Variants in KCND3 observed in about 807,000 individuals in gnomAD.
The protein encoded by KCND3 is A-type voltage-gated potassium channel KCND3.
KCND3 carries 9 observed loss-of-function variants against 51.1 expected under a neutral mutation model. That is an observed-to-expected ratio of 0.18 (90% CI 0.11 to 0.31). The LOEUF is 0.31. KCND3 is among the 10% of genes least tolerant of loss of function. The probability of loss-of-function intolerance (pLI) is 1.00; values close to 1 mark genes in which losing one functional copy is unlikely to be tolerated. For missense variants in KCND3, 526 were observed against 903.8 expected, an observed-to-expected ratio of 0.58 and a Z score of 5.36; for synonymous variants, 349 against 368.0, an observed-to-expected ratio of 0.95 and a Z score of 0.59.
At chr1:111,913,190 G>T (rs1406359522) in intron 2 of KCND3, among the ~76,000 whole-genome samples, 1 of 152,128 alleles carries the variant, frequency 6.6e-6, no homozygotes, top group African/African-American at 2.4e-5. Context: ...ATTGCCTACA[G>T]TATTCTATAC....
chr1:111,856,489 T>C (rs1363904497), intron 2 of KCND3, among the ~76,000 whole-genome samples: 1 of 152,192 alleles, frequency 6.6e-6, no homozygotes, highest in Non-Finnish European at 1.5e-5. Context: ...TGGCAGCTGG[T>C]GGTCGCCTGG....
chr1:111,908,568 G>A (rs909168790), intron 2 of KCND3, among the ~76,000 whole-genome samples: 1 of 152,074 alleles, frequency 6.6e-6, no homozygotes, highest in African/African-American at 2.4e-5. Context: ...TCTTTGGACT[G>A]GAGTCCCCAG....
intron 6 of KCND3, among the ~76,000 whole-genome samples, chr1:111,777,583 A>G (rs1664185152): frequency 6.6e-6 from 1 of 152,236 alleles, no homozygotes; most frequent in South Asian, 2.1e-4. Context: ...GAGGAATTCA[A>G]TGGCATCATC....
At chr1:111,894,206 C>G (rs1483310039) in intron 2 of KCND3, among the ~76,000 whole-genome samples, 1 of 152,216 alleles carries the variant, frequency 6.6e-6, no homozygotes, top group Non-Finnish European at 1.5e-5. Flanking sequence ...CTTGTTCACT[C>G]TGCTCCAGCC....
chr1:111,895,171 G>A (rs916753159), intron 2 of KCND3, among the ~76,000 whole-genome samples: 2 of 145,142 alleles, frequency 1.4e-5, no homozygotes, highest in African/African-American at 5.1e-5. Flanking sequence ...GAGGGGGAAG[G>A]AGGGAGACCA....
At chr1:111,938,644 G>T (rs1263768080) in intron 2 of KCND3, among the ~76,000 whole-genome samples, 3 of 152,156 alleles carry the variant, frequency 2.0e-5, no homozygotes, top group South Asian at 2.1e-4. Context: ...AAGAAGTAAG[G>T]TTATCTGAGG....
chr1:111,830,195 A>G (rs1024058086), intron 2 of KCND3, among the ~76,000 whole-genome samples: 1 of 152,210 alleles, frequency 6.6e-6, no homozygotes, highest in African/African-American at 2.4e-5. Flanking sequence ...CTCAATACAT[A>G]TCAATTAACA....
At chr1:111,828,428 C>T (rs900544972) in intron 2 of KCND3, among the ~76,000 whole-genome samples, 8 of 152,188 alleles carry the variant, frequency 5.3e-5, no homozygotes, top group African/African-American at 1.9e-4. Flanking sequence ...TACTATTCAA[C>T]TGCATCTCCC....
chr1:111,968,426 T>C (rs1022987066), intron 2 of KCND3, among the ~76,000 whole-genome samples: 3 of 152,094 alleles, frequency 2.0e-5, no homozygotes, highest in African/African-American at 7.2e-5. Flanking sequence ...TGTGCAAAAA[T>C]GGCATGAAAA....
intron 2 of KCND3, among the ~76,000 whole-genome samples, chr1:111,823,877 A>T (rs1405034804): frequency 6.6e-6 from 1 of 152,172 alleles, no homozygotes; most frequent in Non-Finnish European, 1.5e-5. Context: ...GAAGCATCTA[A>T]AACACTAATA....
intron 2 of KCND3, among the ~76,000 whole-genome samples, chr1:111,886,957 T>A (rs958796259): frequency 6.6e-6 from 1 of 152,136 alleles, no homozygotes; most frequent in Non-Finnish European, 1.5e-5. Context: ...TTGGAGCAGG[T>A]GGGAGAAGCC....
intron 2 of KCND3, among the ~76,000 whole-genome samples, chr1:111,794,768 G>A (rs899474148): frequency 2.0e-5 from 3 of 152,208 alleles, no homozygotes; most frequent in African/African-American, 7.2e-5. Flanking sequence ...AGTTCATCCT[G>A]TGACAAACAC....
At chr1:111,850,575 C>T (rs923877856) in intron 2 of KCND3, among the ~76,000 whole-genome samples, 6 of 152,194 alleles carry the variant, frequency 3.9e-5, no homozygotes, top group East Asian at 1.9e-4. Context: ...ATAGCCTGGG[C>T]GCACTGAACT....
chr1:111,892,366 G>A (rs1035158515), intron 2 of KCND3, among the ~76,000 whole-genome samples: 5 of 152,202 alleles, frequency 3.3e-5, no homozygotes. Flanking sequence ...ACAATGCAGT[G>A]AGCCAGCTCT....
intron 2 of KCND3, among the ~76,000 whole-genome samples, chr1:111,912,804 A>G (rs1671026594): frequency 6.6e-6 from 1 of 152,252 alleles, no homozygotes; most frequent in Admixed American, 6.5e-5. Context: ...GGATGTAAAT[A>G]AATATTTTTT....
At chr1:111,851,817 G>A (rs2101665748) in intron 2 of KCND3, among the ~76,000 whole-genome samples, 1 of 152,302 alleles carries the variant, frequency 6.6e-6, no homozygotes, top group South Asian at 2.1e-4. Flanking sequence ...ACAAAGAGTG[G>A]CTCACAGCTC....
intron 2 of KCND3, among the ~76,000 whole-genome samples, chr1:111,892,341 T>G (rs542058761): frequency 6.6e-6 from 1 of 152,214 alleles, no homozygotes; most frequent in African/African-American, 2.4e-5. Flanking sequence ...TATCATTTAT[T>G]GGGCATTGCC....
At chr1:111,986,809 C>T (rs1439387926) in intron 1 of KCND3, among the ~76,000 whole-genome samples, 1 of 152,094 alleles carries the variant, frequency 6.6e-6, no homozygotes, top group African/African-American at 2.4e-5. Flanking sequence ...GCAAAGGGAG[C>T]TCTGGGAATT....
chr1:111,989,323 C>A (rs914992497), intron 1 of KCND3, among the ~76,000 whole-genome samples, 182 bp downstream of exon 1: 1 of 152,236 alleles, frequency 6.6e-6, no homozygotes, highest in Admixed American at 6.5e-5. Flanking sequence ...AACCGACGCC[C>A]CCGGGCCGGC....
Sources: gnomAD v4.1 joint callset for allele counts (sites outside exome capture counted in the v4.1 genomes callset) on GRCh38, gnomAD v4.1.1 for gene constraint, MANE v1.5 for transcripts, NCBI Gene and HGNC (gene_info 2026-07-23, HGNC 2026-07-21) for gene names.